Variants in TJP3 observed in about 807,000 individuals in gnomAD.
TJP3 encodes the protein tight junction protein ZO-3.
In TJP3, 85 loss-of-function variants were observed where a neutral mutation model predicts 104.2. The ratio of observed to expected loss-of-function variants is 0.82; its 90% CI spans 0.68 to 0.98. TJP3 has a LOEUF of 0.98. Among genes scored for constraint, TJP3 ranks in the 50% least tolerant of loss-of-function variants. The pLI is 0.00. For synonymous variants in TJP3, 550 were observed against 550.6 expected (o/e 1.00, Z 0.02); for missense variants, 1,367 against 1,322.8 (o/e 1.03, Z -0.52).
intron 1 of TJP3, among the ~76,000 whole-genome samples, chr19:3,708,946 G>C (rs2036409098): frequency 6.6e-6 from 1 of 152,002 alleles, no homozygotes; most frequent in Non-Finnish European, 1.5e-5. Flanking sequence ...AGGCTAGGAG[G>C]TGACAGGTGG....
At chr19:3,731,339 A>G (rs8102253) in intron 5 of TJP3, among the ~76,000 whole-genome samples, 27,984 of 152,136 alleles carry the variant, frequency 0.18, 2,733 homozygotes, top group Non-Finnish European at 0.22. Context: ...GGGTCCTTAT[A>G]AGAGGAGGCC....
intron 14 of TJP3, among the ~76,000 whole-genome samples, chr19:3,742,318 A>AGCTACTTG (rs1229040620): frequency 6.6e-6 from 1 of 151,796 alleles, no homozygotes; most frequent in Admixed American, 6.6e-5. Context: ...CAGTAGTCCC[A>AGCTACTTG]GCTACTTGGC....
intron 14 of TJP3, among the ~76,000 whole-genome samples, 154 bp downstream of exon 14, chr19:3,740,917 G>A (rs1182635628): frequency 6.6e-6 from 1 of 152,228 alleles, no homozygotes; most frequent in Admixed American, 6.5e-5. Flanking sequence ...GAGGTAGGAG[G>A]ATCGCTGAGG....
chr19:3,743,047 C>T (rs1056441709), intron 14 of TJP3, among the ~76,000 whole-genome samples: 2 of 151,946 alleles, frequency 1.3e-5, no homozygotes, highest in African/African-American at 2.4e-5. Context: ...GGGCGGATCA[C>T]GAGGTCAGGA....
At chr19:3,742,630 A>G (rs1292993893) in intron 14 of TJP3, among the ~76,000 whole-genome samples, 2 of 15,866 alleles carry the variant, frequency 1.3e-4, no homozygotes, top group African/African-American at 4.6e-4. Flanking sequence ...TCCAACATCC[A>G]GATGAAAACG....
chr19:3,721,248 C>T (rs1010069882), intron 1 of TJP3, among the ~76,000 whole-genome samples: 1 of 152,064 alleles, frequency 6.6e-6, no homozygotes, highest in African/African-American at 2.4e-5. Flanking sequence ...AGACAGAGCC[C>T]GCAGGCCAAG....
intron 1 of TJP3, among the ~76,000 whole-genome samples, chr19:3,717,868 G>C (rs1255114228): frequency 2.0e-5 from 3 of 148,438 alleles, no homozygotes; most frequent in African/African-American, 7.5e-5. Context: ...TCCCAGCTCA[G>C]CTTCCCAAGT....
intron 13 of TJP3, among the ~76,000 whole-genome samples, chr19:3,740,180 A>C (rs1209195511): frequency 1.3e-5 from 2 of 151,912 alleles, no homozygotes; most frequent in African/African-American, 2.4e-5. Flanking sequence ...TGCAGTGAGC[A>C]GAGATTGCAC....
intron 1 of TJP3, among the ~76,000 whole-genome samples, chr19:3,716,797 A>ATTTTTT (rs1251840414): frequency 1.5e-5 from 1 of 67,882 alleles, no homozygotes; most frequent in African/African-American, 4.7e-5. Context: ...ATATATATAT[A>ATTTTTT]TATATTTTTT....
intron 1 of TJP3, among the ~76,000 whole-genome samples, chr19:3,712,852 G>T (rs1211232218): frequency 6.6e-6 from 1 of 151,878 alleles, no homozygotes; most frequent in East Asian, 1.9e-4. Context: ...AGGAGGCTGG[G>T]GTGGGAGGAT....
intron 13 of TJP3, 82 bp downstream of exon 13, chr19:3,739,216 A>ACG: frequency 7.6e-7 from 1 of 1,323,044 alleles, no homozygotes; most frequent in African/African-American, 1.5e-5. Context: ...ATTGGGCTGG[A>ACG]CGCGGTGGCT....
intron 14 of TJP3, among the ~76,000 whole-genome samples, chr19:3,742,490 A>AG (rs990138250): frequency 6.6e-6 from 1 of 151,104 alleles, no homozygotes; most frequent in African/African-American, 2.4e-5. Context: ...ATCAGAGGAC[A>AG]GGGGGTTAAA....
intron 1 of TJP3, among the ~76,000 whole-genome samples, chr19:3,718,532 A>C (rs2036513034): frequency 6.0e-5 from 9 of 150,266 alleles, no homozygotes; most frequent in Admixed American, 5.4e-4. Context: ...GCAGTGGCGC[A>C]ATCTTGGCTG....
At chr19:3,741,296 C>T (rs897157243) in intron 14 of TJP3, among the ~76,000 whole-genome samples, 1 of 152,148 alleles carries the variant, frequency 6.6e-6, no homozygotes, top group African/African-American at 2.4e-5. Context: ...CCACCACGCC[C>T]GGCCTCTACA....
chr19:3,738,638 G>A lies in TJP3; in HGVS notation c.1368G>A (p.Glu456=). The change falls in exon 12 of 21, where the codon GAG becomes GAA. Residue 456 remains glutamate, a synonymous_variant. Coordinates refer to ENST00000541714, the MANE Select transcript of TJP3 (RefSeq NM_001267560.2). ...GGCTGCCACCAGGCGAGGAGATGGA[G>A]CTGGTGACGCAGAGGAAGCAGGACA... is the stretch of plus-strand genomic sequence containing the variant. The part of the protein sequence containing the change: ...LLGLPPGEEM[E]LVTQRKQDIF... The A allele has an allele frequency of 6.2e-7, 1 of 1,613,832 alleles. No homozygotes were observed. Among genetic ancestry groups the A allele is most frequent in the Non-Finnish European group, 8.5e-7 (1 of 1,179,950 alleles).
At chr19:3,720,901 CTTTTTTTT>C (rs370206267) in intron 1 of TJP3, among the ~76,000 whole-genome samples, 1 of 114,324 alleles carries the variant, frequency 8.7e-6, no homozygotes, top group East Asian at 2.6e-4. Context: ...CCTTCCTTTT[CTTTTTTTT>C]TTTTTTTTTT....
chr19:3,737,544 C>T (rs73919357), intron 11 of TJP3, among the ~76,000 whole-genome samples: 2,194 of 152,200 alleles, frequency 0.014, 56 homozygotes, highest in African/African-American at 0.051. Flanking sequence ...CTCATCATCC[C>T]CCCATCTCTG....
At chr19:3,718,462 T>A (rs2036511851) in intron 1 of TJP3, among the ~76,000 whole-genome samples, 1 of 150,534 alleles carries the variant, frequency 6.6e-6, no homozygotes, top group Non-Finnish European at 1.5e-5. Context: ...GCGGTTTTTT[T>A]TTTTTGGGGT....
At position 3,743,957 on chromosome 19, in the gene TJP3, T is replaced by C; in HGVS notation, c.1862T>C (p.Val621Ala). The change falls in exon 15 of 21, where the codon GTA becomes GCA. Residue 621 changes from valine (V) to alanine (A), a missense_variant. Transcript: ENST00000541714. ...CCCTCAGCCAGTTTCAAGCGCCCGGTAGTGATCCTGGGACCCGTGGCCGAC... is the reference window on the plus strand; with the variant it reads ...CCCTCAGCCAGTTTCAAGCGCCCGGCAGTGATCCTGGGACCCGTGGCCGAC... ...VLREASFKRP[V>A]VILGPVADIA... The C allele has an allele frequency of 1.9e-6, 3 of 1,614,148 alleles. No homozygotes were observed. Among genetic ancestry groups the C allele is most frequent in the Non-Finnish European group, 2.5e-6 (3 of 1,180,032 alleles).
Sources: gnomAD v4.1 joint callset for allele counts (sites outside exome capture counted in the v4.1 genomes callset) on GRCh38, gnomAD v4.1.1 for gene constraint, MANE v1.5 for transcripts, NCBI Gene and HGNC (gene_info 2026-07-23, HGNC 2026-07-21) for gene names.